CYGB: variants seen among roughly 807,000 people sequenced by gnomAD.
The protein encoded by CYGB is cytoglobin.
Under a neutral mutation model 20.7 loss-of-function variants are expected in CYGB, and 13 were observed. The observed-to-expected ratio is 0.63, with a 90% CI of 0.41 to 1.00. CYGB has a LOEUF of 1.00. CYGB is among the 50% of genes least tolerant of loss of function. The pLI is 0.00. For missense variants in CYGB, 218 were observed against 257.2 expected (o/e 0.85, Z 1.04); for synonymous variants, 93 against 107.4 (o/e 0.87, Z 0.83).
rs917387657 is a variant in CYGB, at chr17:76,530,221, C to T, written c.539+758G>A. Among the ~76,000 whole-genome samples the T allele has an allele frequency of 6.6e-6, 1 of 152,166 alleles. No homozygotes were observed. The highest frequency in any genetic ancestry group is 2.4e-5 in the African/African-American group (1 of 41,434). ...CTCCTTCCTACTCCAGCCCTGCCTC[C>T]GCCTCTCCATTCAGCTCCCAGAGTC... On this transcript the variant is annotated intron_variant, in intron 3 of 3. Coordinates refer to ENST00000293230, the MANE Select transcript of CYGB (RefSeq NM_134268.5). This position sits in a 1 kb window ranked among gnomAD's most constrained non-coding sequence, Gnocchi z 6.1.
At chr17:76,540,496 C>T, upstream of CYGB, 1 of 1,613,624 alleles carries the variant, frequency 6.2e-7, no homozygotes, top group Non-Finnish European at 8.5e-7. The surrounding 1 kb of genome is among the most constrained non-coding windows in gnomAD (Gnocchi z 5.0). Flanking sequence ...CTACTCTTGC[C>T]TCCCACAGAG....
rs1412596253 is a variant in CYGB at position 76,529,935 on chromosome 17, G to A, written c.539+1044C>T. ...AGAGGGGGGAGGGGAGCAGGAGCCA[G>A]CCCGGGGCCAGTGTGGTCAGCAGCA... On this transcript the variant is annotated intron_variant, in intron 3 of 3. Transcript: ENST00000293230. 5.1e-6 allele frequency: 5 copies of A among 985,338 alleles called. No homozygotes were observed. The East Asian group carries it at 3.4e-4, about 67-fold the overall frequency. 61.0% of individuals were successfully genotyped at this position (985,338 alleles called of 1,614,324 possible). A position where few individuals can be genotyped will look rare whatever the true frequency, so the allele number is the denominator to read the frequency against.
At chr17:76,535,624 C>A (rs1304021371) in intron 1 of CYGB, among the ~76,000 whole-genome samples, 1 of 152,138 alleles carries the variant, frequency 6.6e-6, no homozygotes. Context: ...TGGTAATGAC[C>A]TCCCCCAGCC....
rs999800026 is a variant in CYGB at position 76,533,681 on chromosome 17, C to T, written c.144-1990G>A. 6.6e-6 allele frequency among the ~76,000 whole-genome samples: 1 copy of T among 151,970 alleles called. No individual in the cohort carries two copies. Among genetic ancestry groups the T allele is most frequent in the African/African-American group, 2.4e-5 (1 of 41,336 alleles). On this transcript the variant is annotated intron_variant, in intron 1 of 3. Transcript: ENST00000293230. The surrounding 1 kb of genome is among the most constrained non-coding windows in gnomAD (Gnocchi z 4.5). ...AAGGCTGCAGGGAGCCAAGATTGTGCCATTGCACTCCAGCCTGGGTGACAG... is the reference window on the plus strand; with the variant it reads ...AAGGCTGCAGGGAGCCAAGATTGTGTCATTGCACTCCAGCCTGGGTGACAG...
At chr17:76,542,063 G>C (rs182318259), upstream of CYGB, among the ~76,000 whole-genome samples, 480 of 152,294 alleles carry the variant, frequency 3.2e-3, 1 homozygote, top group Non-Finnish European at 5.4e-3. Context: ...TTAATCTTTG[G>C]TTAATGGTTG....
chr17:76,542,594 G>C, upstream of CYGB: 1 of 1,614,030 alleles, frequency 6.2e-7, no homozygotes, highest in Non-Finnish European at 8.5e-7. Flanking sequence ...TCTGCAGGTG[G>C]GGCTCAGGCC....
rs2074796985 is a variant in CYGB, at chr17:76,528,726, C to T, written c.540-115G>A. 1.8e-6 allele frequency: 2 copies of T among 1,102,982 alleles called. No homozygotes were observed. Among genetic ancestry groups the T allele is most frequent in the Admixed American group, 8.5e-5 (2 of 23,558 alleles). 68.3% of individuals were successfully genotyped at this position (1,102,982 alleles called of 1,614,324 possible). A position where few individuals can be genotyped will look rare whatever the true frequency, so the allele number is the denominator to read the frequency against. On this transcript the variant is annotated intron_variant, in intron 3 of 3. Transcript: ENST00000293230. The surrounding 1 kb of genome is among the most constrained non-coding windows in gnomAD (Gnocchi z 5.8). The stretch of plus-strand genomic sequence containing the variant: ...GCTCACTTCCTGCCAAGAGATCCGG[C>T]ACAGTGCAGTTGAAAGCAACCGTGA...
At chr17:76,537,904 C>G (rs1365960666), upstream of CYGB, 1 of 151,334 alleles carries the variant, frequency 6.6e-6, no homozygotes, top group Non-Finnish European at 1.5e-5. Flanking sequence ...CGCCCGCCCA[C>G]CCGCAGGCCA....
intron 1 of CYGB, chr17:76,543,249 G>T (rs2075013827): frequency 5.5e-6 from 2 of 366,020 alleles, no homozygotes; most frequent in Non-Finnish European, 1.1e-5. Context: ...TCTCGGACGG[G>T]CTTCCTTCCC....
At chr17:76,539,953 A>T (rs923918042), upstream of CYGB, 1 of 623,294 alleles carries the variant, frequency 1.6e-6, no homozygotes, top group African/African-American at 1.8e-5. Flanking sequence ...ACCTGGGCCC[A>T]GTGAGCTTAA....
intron 1 of CYGB, among the ~76,000 whole-genome samples, chr17:76,536,427 G>A (rs986711179): frequency 6.6e-6 from 1 of 152,164 alleles, no homozygotes; most frequent in Non-Finnish European, 1.5e-5. Context: ...AGATTTGACC[G>A]CTTTCCTCTG....
At chr17:76,540,517 C>G (rs759376499), upstream of CYGB, 1 of 1,613,324 alleles carries the variant, frequency 6.2e-7, no homozygotes, top group Non-Finnish European at 8.5e-7. This position sits in a 1 kb window ranked among gnomAD's most constrained non-coding sequence, Gnocchi z 5.0. Context: ...AGCCCAGCGA[C>G]GTGGATGGGG....
upstream of CYGB, chr17:76,540,050 CA>C (rs1598210922): frequency 1.5e-6 from 2 of 1,319,084 alleles, no homozygotes; most frequent in Non-Finnish European, 1.1e-6. The surrounding 1 kb of genome is among the most constrained non-coding windows in gnomAD (Gnocchi z 5.0). Context: ...GGACAGACGG[CA>C]GTGGCTCCTG....
chr17:76,528,627 G>A lies in CYGB; in HGVS notation c.540-16C>T. ...GGCCGGTGGGCTGTGGACGAGATAGGAAGGGAAGGACAAACGTTACCAGAG... is the reference window on the plus strand; with the variant it reads ...GGCCGGTGGGCTGTGGACGAGATAGAAAGGGAAGGACAAACGTTACCAGAG... On this transcript the variant is annotated splice_polypyrimidine_tract_variant and intron_variant, in intron 3 of 3. Coordinates refer to ENST00000293230, the MANE Select transcript of CYGB (RefSeq NM_134268.5). The surrounding 1 kb of genome is among the most constrained non-coding windows in gnomAD (Gnocchi z 5.8). 3 of 1,273,498 alleles carry A rather than the reference G, an allele frequency of 2.4e-6. No individual in the cohort carries two copies. Among genetic ancestry groups the A allele is most frequent in the Non-Finnish European group, 3.0e-6 (3 of 1,001,146 alleles). The allele number at this position is 1,273,498 out of a possible 1,614,324, so 78.9% of individuals were successfully genotyped here.
chr17:76,548,717 A>G (rs529140448), intron 1 of CYGB, among the ~76,000 whole-genome samples: 8 of 152,242 alleles, frequency 5.3e-5, no homozygotes, highest in Non-Finnish European at 1.0e-4. Flanking sequence ...GACTTTCCCA[A>G]TCGAAAGCAA....
rs1191192162 is a variant in CYGB, at chr17:76,547,724, C to T, written c.-53+3138G>A. Among the ~76,000 whole-genome samples, 2 of 149,864 alleles carry T rather than the reference C, an allele frequency of 1.3e-5. 1 individual carries two copies. Among genetic ancestry groups the T allele is most frequent in the Non-Finnish European group, 3.0e-5 (2 of 67,530 alleles). On this transcript the variant is annotated intron_variant, in intron 1 of 3. Transcript: ENST00000589145. ...AGACACACACACACAGAGACACATACATTCACACACACACATACACAAACA... is the reference window on the plus strand; with the variant it reads ...AGACACACACACACAGAGACACATATATTCACACACACACATACACAAACA...
At chr17:76,534,174 CTCTT>C (rs71363640) in intron 1 of CYGB, among the ~76,000 whole-genome samples, 51 of 106,064 alleles carry the variant, frequency 4.8e-4, no homozygotes, top group Non-Finnish European at 8.2e-4. Context: ...CTCTCTCTCT[CTCTT>C]TCTTTCTTTC....
At chr17:76,542,628 A>C, upstream of CYGB, 3 of 1,606,948 alleles carry the variant, frequency 1.9e-6, no homozygotes, top group Non-Finnish European at 2.6e-6. Context: ...CAGCTGGCTC[A>C]GGCAGGTAGG....
intron 3 of CYGB, chr17:76,529,355 A>G: frequency 1.0e-6 from 1 of 985,348 alleles, no homozygotes; most frequent in Non-Finnish European, 1.2e-6. Flanking sequence ...GCCCATCTCC[A>G]TTCAGTCCAC....
Sources: allele counts gnomAD v4.1 joint callset (sites outside exome capture counted in the v4.1 genomes callset), GRCh38; gene constraint gnomAD v4.1.1; non-coding constraint Gnocchi (gnomAD v3.1); transcripts MANE v1.5; gene names NCBI Gene and HGNC (gene_info 2026-07-23, HGNC 2026-07-21).